Variants in SHC2 observed in about 807,000 individuals in gnomAD.
SHC2 encodes the protein SHC-transforming protein 2.
Under a neutral mutation model 60.6 loss-of-function variants are expected in SHC2, and 62 were observed. That is an observed-to-expected ratio of 1.02 (90% confidence interval 0.83 to 1.26). The LOEUF is 1.26. SHC2 is among the 50% of genes most tolerant of loss of function. The pLI, the probability that SHC2 is intolerant of heterozygous loss-of-function variation, is 0.00. For synonymous variants in SHC2, 375 were observed against 372.4 expected (o/e 1.01, Z -0.08); for missense variants, 873 against 822.2 (o/e 1.06, Z -0.76).
chr19:422,238 G>T lies in SHC2; in HGVS notation c.1528C>A (p.Arg510=), dbSNP rs2287960. ...MLRADGDFLV[R]DSVTNPGQYV... ...TGCCCGGGGTTGGTGACGCTGTCTC[G>T]CACAAGGAAGTCCCCGTCAGCTCGA... Residue 510 remains arginine (R), a synonymous_variant, in exon 11 of 13, where the codon CGA becomes AGA. Coordinates refer to ENST00000264554, the MANE Select transcript of SHC2 (RefSeq NM_012435.3). The surrounding 1 kb of genome is among the most constrained non-coding windows in gnomAD (Gnocchi z 5.0). The T allele has an allele frequency of 0.04, 64,871 of 1,612,222 alleles. 4,432 individuals carry two copies. The highest frequency in any genetic ancestry group is 0.31 in the East Asian group (13,918 of 44,814).
chr19:434,762 C>G lies in SHC2; in HGVS notation c.1057G>C (p.Val353Leu), dbSNP rs775462279. The G allele has an allele frequency of 6.2e-7, 1 of 1,612,878 alleles. No homozygotes were observed. The highest frequency in any genetic ancestry group is 1.1e-5 in the South Asian group (1 of 91,076). Residue 353 changes from valine (V) to leucine (L), a missense_variant, in exon 8 of 13, where the codon GTG becomes CTG. By Grantham distance (32) the Val-to-Leu change is conservative. Coordinates refer to ENST00000264554, the MANE Select transcript of SHC2 (RefSeq NM_012435.3). ...PGKEPPLGGL[V>L]DSRLALTQPC... ...TGTGTCAGGGCCAGCCTGGAGTCCA[C>G]TAGCCCGCCCAGCGGCGGCTCCTTC...
At chr19:436,781 G>A (rs1974734294) in intron 4 of SHC2, 98 bp from the exon 5 acceptor site, 1 of 1,192,248 alleles carries the variant, frequency 8.4e-7, no homozygotes, top group South Asian at 1.3e-5. Flanking sequence ...TGGGGCAGGG[G>A]CAGGGATGTG....
intron 1 of SHC2, among the ~76,000 whole-genome samples, chr19:443,756 G>T: frequency 6.6e-6 from 1 of 150,892 alleles, no homozygotes; most frequent in Non-Finnish European, 1.5e-5. Flanking sequence ...ACGGATGGTT[G>T]GATGGGTGGA....
At position 422,784 on chromosome 19, in the gene SHC2, C is replaced by A; in HGVS notation, c.1310-328G>T. 4.0e-6 allele frequency: 1 copy of A among 249,306 alleles called. No individual in the cohort carries two copies. The highest frequency in any genetic ancestry group is 7.7e-6 in the Non-Finnish European group (1 of 130,686). 15.4% of individuals were successfully genotyped at this position (249,306 alleles called of 1,614,324 possible). ...AGGTGGGCTTCCTTCCCAAAGCGTA[C>A]GCCTCTCGTTTCCTTGTCTGGTCTT... On this transcript the variant is annotated intron_variant, in intron 10 of 12. Transcript: ENST00000264554. The surrounding 1 kb of genome is among the most constrained non-coding windows in gnomAD (Gnocchi z 5.0).
Position 424,729 on chromosome 19 carries a change from G to A in SHC2, c.1309+368C>T, listed in dbSNP as rs554730764. Among the ~76,000 whole-genome samples, 66 of 152,300 alleles carry A rather than the reference G, an allele frequency of 4.3e-4. No homozygotes were observed. The highest frequency in any genetic ancestry group is 1.2e-3 in the African/African-American group (50 of 41,578). Reference sequence around the variant, plus strand: ...GAGAGAGTGGAGCTTCTCACAGAGCGGGGGCCAGCGGCATTCCCAACCAGA... The same window carrying A: ...GAGAGAGTGGAGCTTCTCACAGAGCAGGGGCCAGCGGCATTCCCAACCAGA... On this transcript the variant is annotated intron_variant, in intron 10 of 12. Transcript: ENST00000264554. This position sits in a 1 kb window ranked among gnomAD's most constrained non-coding sequence, Gnocchi z 4.5.
chr19:454,737 C>G (rs904829806), intron 1 of SHC2, among the ~76,000 whole-genome samples: 1 of 152,096 alleles, frequency 6.6e-6, no homozygotes, highest in Non-Finnish European at 1.5e-5. Context: ...TTGCGGTGAG[C>G]CGAGATCGCG....
chr19:426,177 G>C lies in SHC2; in HGVS notation c.1175-946C>G, dbSNP rs571547811. 3.3e-4 allele frequency among the ~76,000 whole-genome samples: 50 copies of C among 152,338 alleles called. No individual in the cohort carries two copies. In the South Asian group the frequency reaches 8.5e-3, roughly 26 times the overall value. On this transcript the variant is annotated intron_variant, in intron 9 of 12. Coordinates refer to ENST00000264554, the MANE Select transcript of SHC2 (RefSeq NM_012435.3). Reference sequence around the variant, plus strand: ...TGCCTCTGCCTTGGAACAGGGTCTGGCTGTGAATCCACATGAACGTGAGGC... The same window carrying C: ...TGCCTCTGCCTTGGAACAGGGTCTGCCTGTGAATCCACATGAACGTGAGGC...
intron 1 of SHC2, among the ~76,000 whole-genome samples, chr19:459,411 C>G (rs1055996116): frequency 4.7e-5 from 6 of 128,896 alleles, no homozygotes; most frequent in African/African-American, 2.7e-5. Flanking sequence ...CCCCACTGAA[C>G]CCAGCGTAGG....
intron 8 of SHC2, among the ~76,000 whole-genome samples, chr19:434,461 CAAGT>C (rs1353474816): frequency 2.0e-3 from 2 of 1,010 alleles, no homozygotes; most frequent in African/African-American, 8.8e-3. Context: ...AGATAGTGAG[CAAGT>C]GAGTGAGATC....
At position 419,015 on chromosome 19, in the gene SHC2, C is replaced by G; in HGVS notation, c.1662G>C (p.Leu554=). 6.3e-7 allele frequency: 1 copy of G among 1,587,378 alleles called. No individual in the cohort carries two copies. Among genetic ancestry groups the G allele is most frequent in the Non-Finnish European group, 8.6e-7 (1 of 1,167,260 alleles). The change falls in exon 12 of 13, where the codon CTG becomes CTC. Residue 554 remains leucine, a synonymous_variant. Transcript: ENST00000264554. ...GCCCGTTCTGCAGGTGGTGGTCGAT[C>G]AGGTGGCTGATGCTCTCAAACAGCA... is the stretch of plus-strand genomic sequence containing the variant. The part of the protein sequence containing the change: ...KDVLFESISH[L]IDHHLQNGQP...
At chr19:429,619 G>A (rs558978111) in intron 9 of SHC2, among the ~76,000 whole-genome samples, 6 of 117,222 alleles carry the variant, frequency 5.1e-5, no homozygotes, top group African/African-American at 2.1e-4. Context: ...ACCTAATACC[G>A]TGTGGATGAC....
intron 9 of SHC2, among the ~76,000 whole-genome samples, chr19:430,417 G>A (rs936257476): frequency 2.6e-5 from 4 of 151,782 alleles, no homozygotes; most frequent in African/African-American, 4.8e-5. Context: ...CCATGTGGAT[G>A]ACACAGTACC....
chr19:421,910 A>C (rs1158199955), intron 11 of SHC2, among the ~76,000 whole-genome samples: 3 of 152,180 alleles, frequency 2.0e-5, no homozygotes, highest in African/African-American at 7.2e-5. Flanking sequence ...ACTCTGTCTC[A>C]AAAATAAACT....
In SHC2 at chr19:440,582, T is replaced by C. The variant is rs780564351; in HGVS notation, c.539+280A>G. Reference sequence around the variant, plus strand: ...GTCCCAGAGGGAACCCGCCAGGCCCTGCACCCCACGCCGTGCGGGGACTTG... The same window carrying C: ...GTCCCAGAGGGAACCCGCCAGGCCCCGCACCCCACGCCGTGCGGGGACTTG... On this transcript the variant is annotated intron_variant, in intron 2 of 12. Coordinates refer to ENST00000264554, the MANE Select transcript of SHC2 (RefSeq NM_012435.3). This position sits in a 1 kb window ranked among gnomAD's most constrained non-coding sequence, Gnocchi z 7.0. Among the ~76,000 whole-genome samples, 3 of 152,188 alleles carry C rather than the reference T, an allele frequency of 2.0e-5. No individual in the cohort carries two copies. Among genetic ancestry groups the C allele is most frequent in the Non-Finnish European group, 4.4e-5 (3 of 68,026 alleles).
At chr19:442,918 G>GATAGATGA (rs1287735346) in intron 1 of SHC2, among the ~76,000 whole-genome samples, 1 of 18,038 alleles carries the variant, frequency 5.5e-5, no homozygotes, top group Non-Finnish European at 9.4e-5. Context: ...TGGACGGGTG[G>GATAGATGA]GTGGATGGGT....
intron 1 of SHC2, among the ~76,000 whole-genome samples, chr19:458,537 T>G (rs1247132184): frequency 0.061 from 1,575 of 25,970 alleles, 5 homozygotes; most frequent in Middle Eastern, 0.16. Context: ...GGAGGCGGAT[T>G]CGGGTTCCGG....
At chr19:420,937 C>T (rs2047750021) in intron 11 of SHC2, among the ~76,000 whole-genome samples, 1 of 151,634 alleles carries the variant, frequency 6.6e-6, no homozygotes, top group African/African-American at 2.4e-5. Flanking sequence ...GTAGTCTCAG[C>T]TACTCGGGAG....
chr19:419,099 T>A (rs990934802), intron 11 of SHC2, 43 bp from the exon 12 acceptor site: 2 of 1,534,684 alleles, frequency 1.3e-6, no homozygotes, highest in Non-Finnish European at 1.8e-6. Context: ...GGAGCCCGCC[T>A]GGACCCGTGG....
At position 419,057 on chromosome 19, in the gene SHC2, C is replaced by A; in HGVS notation, c.1621-1G>T. On this transcript the variant is annotated splice_acceptor_variant, in intron 11 of 12. Coordinates refer to ENST00000264554, the MANE Select transcript of SHC2 (RefSeq NM_012435.3). LOFTEE classifies it high-confidence loss of function. Reference sequence around the variant, plus strand: ...CAAACAGCACGTCCTTCGTCCGTACCTGCGGGACAGAGACCTCGGCATCAG... The same window carrying A: ...CAAACAGCACGTCCTTCGTCCGTACATGCGGGACAGAGACCTCGGCATCAG... The A allele has an allele frequency of 1.9e-6, 3 of 1,577,386 alleles. No individual in the cohort carries two copies. Among genetic ancestry groups the A allele is most frequent in the Non-Finnish European group, 2.6e-6 (3 of 1,160,436 alleles).
Sources: allele counts gnomAD v4.1 joint callset (sites outside exome capture counted in the v4.1 genomes callset), GRCh38; gene constraint gnomAD v4.1.1; non-coding constraint Gnocchi (gnomAD v3.1); transcripts MANE v1.5; gene names NCBI Gene and HGNC (gene_info 2026-07-23, HGNC 2026-07-21).